TMEM25: variants seen among roughly 807,000 people sequenced by gnomAD.
TMEM25 encodes the protein 0610039J01Rik.
Under a neutral mutation model 37.0 loss-of-function variants are expected in TMEM25, and 36 were observed. The ratio of observed to expected loss-of-function variants is 0.97; its 90% CI spans 0.75 to 1.28. The LOEUF (loss-of-function observed/expected upper bound fraction) is 1.28. Among genes scored for constraint, TMEM25 ranks in the 50% most tolerant of loss-of-function variants. The probability of loss-of-function intolerance (pLI) is 0.00; values close to 1 mark genes in which losing one functional copy is unlikely to be tolerated. For synonymous variants in TMEM25, 197 were observed against 203.7 expected, an observed-to-expected ratio of 0.97 and a Z score of 0.28; for missense variants, 444 against 477.9, an observed-to-expected ratio of 0.93 and a Z score of 0.66.
chr11:118,534,219 C>T lies in TMEM25; in HGVS notation c.938-47C>T, dbSNP rs1277833461. ...TTGGTGCTTGGGAGGGGCGAGGCCTCATCAGGCACACTCCTCGTCCTGAAC... is the reference window on the plus strand; with the variant it reads ...TTGGTGCTTGGGAGGGGCGAGGCCTTATCAGGCACACTCCTCGTCCTGAAC... On this transcript the variant is annotated intron_variant, in intron 7 of 8. Transcript: ENST00000313236. The surrounding 1 kb of genome is among the most constrained non-coding windows in gnomAD (Gnocchi z 4.6). The T allele has an allele frequency of 2.5e-6, 4 of 1,613,198 alleles. No individual in the cohort carries two copies. Among genetic ancestry groups the T allele is most frequent in the Non-Finnish European group, 3.4e-6 (4 of 1,179,168 alleles).
intron 8 of TMEM25, among the ~76,000 whole-genome samples, chr11:118,542,363 T>G (rs1280868891): frequency 2.0e-5 from 3 of 152,220 alleles, no homozygotes; most frequent in African/African-American, 7.2e-5. Flanking sequence ...GGCAGAGCCC[T>G]CGTGACCCAA....
intron 8 of TMEM25, among the ~76,000 whole-genome samples, chr11:118,543,804 ACC>A (rs1382538173): frequency 6.0e-5 from 6 of 100,506 alleles, no homozygotes; most frequent in Middle Eastern, 8.9e-3. Flanking sequence ...CATATTAAAC[ACC>A]CCCTTTTTTT....
At chr11:118,543,805 C>T (rs1387826559) in intron 8 of TMEM25, among the ~76,000 whole-genome samples, 1 of 146,636 alleles carries the variant, frequency 6.8e-6, no homozygotes, top group Non-Finnish European at 1.5e-5. Context: ...ATATTAAACA[C>T]CCCCTTTTTT....
At chr11:118,545,695 A>C (rs1355080554) in intron 8 of TMEM25, 19 of 1,359,224 alleles carry the variant, frequency 1.4e-5, no homozygotes, top group Non-Finnish European at 1.9e-5. Context: ...TGAAGGCTGA[A>C]ACTCAAGATA....
In TMEM25 at chr11:118,534,358, A is replaced by G; in HGVS notation, c.1027+3A>G. On this transcript the variant is annotated splice_donor_region_variant and intron_variant, in intron 8 of 8. Coordinates refer to ENST00000313236, the MANE Select transcript of TMEM25 (RefSeq NM_032780.4). The surrounding 1 kb of genome is among the most constrained non-coding windows in gnomAD (Gnocchi z 4.6). ...CGGCGGCCTCCTCACCAGCCAAGGT[A>G]CTGGGGAAGGGGCCTGCCACCCTCC... is the stretch of plus-strand genomic sequence containing the variant. 1 of 1,613,804 alleles carries G rather than the reference A, an allele frequency of 6.2e-7. No individual in the cohort carries two copies. The highest frequency in any genetic ancestry group is 8.5e-7 in the Non-Finnish European group (1 of 1,179,866).
chr11:118,539,116 T>C (rs1555064568), downstream of TMEM25, among the ~76,000 whole-genome samples: 3 of 152,038 alleles, frequency 2.0e-5, no homozygotes, highest in African/African-American at 7.2e-5. Context: ...TAAGACCCAT[T>C]TGTCTATTTT....
At chr11:118,541,446 AG>A in intron 8 of TMEM25, among the ~76,000 whole-genome samples, 1 of 140,664 alleles carries the variant, frequency 7.1e-6, no homozygotes, top group Non-Finnish European at 1.5e-5. Flanking sequence ...TGGGTGACAG[AG>A]CGAGACCCTG....
At chr11:118,533,263 TC>T (rs1951381665) in intron 4 of TMEM25, 56 bp downstream of exon 4, 2 of 1,556,300 alleles carry the variant, frequency 1.3e-6, no homozygotes, top group Non-Finnish European at 1.7e-6. Flanking sequence ...AGGGGTCCCG[TC>T]CCCATACAGA....
chr11:118,537,817 G>T (rs545197719), downstream of TMEM25, among the ~76,000 whole-genome samples: 1 of 152,126 alleles, frequency 6.6e-6, no homozygotes, highest in Admixed American at 6.5e-5. Context: ...TTGGGAGGCC[G>T]AGGCGGGTGG....
At chr11:118,542,268 A>G (rs1193374679) in intron 8 of TMEM25, among the ~76,000 whole-genome samples, 1 of 152,154 alleles carries the variant, frequency 6.6e-6, no homozygotes, top group Non-Finnish European at 1.5e-5. Flanking sequence ...CTCTCTTCTT[A>G]TAAAGCCACC....
intron 8 of TMEM25, among the ~76,000 whole-genome samples, chr11:118,541,556 G>A (rs1277085253): frequency 6.6e-6 from 1 of 151,612 alleles, no homozygotes; most frequent in African/African-American, 2.4e-5. Context: ...CTAAAACTGG[G>A]TCATTTATTA....
chr11:118,542,118 C>T (rs1211694588), intron 8 of TMEM25, among the ~76,000 whole-genome samples: 3 of 152,148 alleles, frequency 2.0e-5, no homozygotes, highest in Admixed American at 6.6e-5. Context: ...TGCGTTAATT[C>T]GCTTAGAATT....
chr11:118,544,628 T>C (rs1392698877), intron 8 of TMEM25: 1 of 354,616 alleles, frequency 2.8e-6, no homozygotes, highest in Non-Finnish European at 5.1e-6. Flanking sequence ...TCTTTTAAGC[T>C]TTCCTCCCAA....
At chr11:118,538,325 C>CCAT (rs56998045), downstream of TMEM25, among the ~76,000 whole-genome samples, 24,399 of 151,758 alleles carry the variant, frequency 0.16, 2,402 homozygotes, top group East Asian at 0.49. Flanking sequence ...GCGTGCACCA[C>CCAT]GCCTGGCTAA....
chr11:118,540,899 A>G (rs1951569554), intron 8 of TMEM25, among the ~76,000 whole-genome samples: 1 of 152,184 alleles, frequency 6.6e-6, no homozygotes, highest in South Asian at 2.1e-4. Context: ...TGTCCAGAGT[A>G]GGCAAATCTG....
chr11:118,531,888 T>G lies in TMEM25; in HGVS notation c.70+17T>G. 2 of 1,551,286 alleles carry G rather than the reference T, an allele frequency of 1.3e-6. No individual in the cohort carries two copies. Among genetic ancestry groups the G allele is most frequent in the East Asian group, 4.9e-5 (2 of 40,888 alleles). On this transcript the variant is annotated intron_variant, in intron 2 of 8. Transcript: ENST00000313236. ...TGAGCTCAGGTACACCCCTGTTCAGTCGTTGACCAAGTCCTTCTGGGTTCC... is the reference window on the plus strand; with the variant it reads ...TGAGCTCAGGTACACCCCTGTTCAGGCGTTGACCAAGTCCTTCTGGGTTCC...
Position 118,545,014 on chromosome 11 carries a change from G to A in TMEM25, c.1028-1105G>A, listed in dbSNP as rs1555066701. On this transcript the variant is annotated intron_variant, in intron 8 of 8. Coordinates refer to the TMEM25 transcript ENST00000354284. ...CCTTCAGCGAGAGCTTTAAAATGCTGCAAGGAAGAGGAGAGGGAATATTGA... is the reference window on the plus strand; with the variant it reads ...CCTTCAGCGAGAGCTTTAAAATGCTACAAGGAAGAGGAGAGGGAATATTGA... The A allele has an allele frequency of 1.3e-6, 2 of 1,598,762 alleles. No individual in the cohort carries two copies. Among genetic ancestry groups the A allele is most frequent in the African/African-American group, 2.7e-5 (2 of 74,682 alleles).
chr11:118,531,459 A>G (rs1165646446), intron 1 of TMEM25: 3 of 471,492 alleles, frequency 6.4e-6, no homozygotes, highest in African/African-American at 4.0e-5. Flanking sequence ...CGCGTGGAGT[A>G]TGTGTGTGAG....
chr11:118,536,890 C>CGTGT (rs782323466), downstream of TMEM25, among the ~76,000 whole-genome samples: 3 of 152,026 alleles, frequency 2.0e-5, no homozygotes, highest in African/African-American at 7.2e-5. Flanking sequence ...CAAGAGAGCA[C>CGTGT]GTGTGTGTGT....
Sources: allele counts gnomAD v4.1 joint callset (sites outside exome capture counted in the v4.1 genomes callset), GRCh38; gene constraint gnomAD v4.1.1; non-coding constraint Gnocchi (gnomAD v3.1); transcripts MANE v1.5; gene names NCBI Gene and HGNC (gene_info 2026-07-23, HGNC 2026-07-21).